The following EYS variants were observed in gnomAD, a reference collection of about 807,000 sequenced individuals.
EYS encodes protein eyes shut homolog.
A neutral mutation model predicts 282.1 loss-of-function variants in EYS; 250 were observed. The observed-to-expected ratio is 0.89, with a 90% CI of 0.80 to 0.98. The LOEUF (loss-of-function observed/expected upper bound fraction) is 0.98, where lower values mean the gene tolerates loss of function less well. Among genes scored for constraint, EYS ranks in the 50% least tolerant of loss-of-function variants. The pLI, the probability that EYS is intolerant of heterozygous loss-of-function variation, is 0.00. For missense variants in EYS, 4,016 were observed against 3,709.0 expected, an observed-to-expected ratio of 1.08 and a Z score of -2.15; for synonymous variants, 1,355 against 1,282.9, an observed-to-expected ratio of 1.06 and a Z score of -1.20.
chr6:64,560,765 C>T (rs1022906373), intron 26 of EYS, among the ~76,000 whole-genome samples: 1 of 152,050 alleles, frequency 6.6e-6, no homozygotes, highest in African/African-American at 2.4e-5. Flanking sequence ...TGTCTGATTT[C>T]TCCAAACTTT....
At chr6:65,130,687 T>A (rs1001886650) in intron 12 of EYS, among the ~76,000 whole-genome samples, 5 of 151,318 alleles carry the variant, frequency 3.3e-5, no homozygotes, top group African/African-American at 1.2e-4. Context: ...ATCAGGAAAA[T>A]GACTATTTGG....
At chr6:64,848,297 A>G (rs937193043) in intron 19 of EYS, among the ~76,000 whole-genome samples, 5 of 151,590 alleles carry the variant, frequency 3.3e-5, no homozygotes, top group Admixed American at 6.6e-5. Flanking sequence ...TTTTTTTATA[A>G]TTTCTAATAA....
chr6:64,087,441 G>T (rs1772192686), intron 31 of EYS, among the ~76,000 whole-genome samples: 1 of 152,014 alleles, frequency 6.6e-6, no homozygotes, highest in South Asian at 2.1e-4. Context: ...CTTGACATTT[G>T]TTGTCACCAG....
chr6:65,348,926 C>T (rs1008923827), intron 9 of EYS, among the ~76,000 whole-genome samples: 5 of 151,218 alleles, frequency 3.3e-5, no homozygotes, highest in Non-Finnish European at 7.4e-5. Flanking sequence ...TCATTCTTCC[C>T]CCATCCAAAT....
At chr6:64,082,802 A>C (rs1265605383) in intron 31 of EYS, among the ~76,000 whole-genome samples, 1 of 152,148 alleles carries the variant, frequency 6.6e-6, no homozygotes, top group Non-Finnish European at 1.5e-5. Flanking sequence ...TTATAGATCT[A>C]TATTCATATC....
chr6:63,963,329 A>C (rs1000902826), intron 35 of EYS, among the ~76,000 whole-genome samples: 2 of 152,202 alleles, frequency 1.3e-5, no homozygotes, highest in African/African-American at 4.8e-5. Context: ...TAACAAAGTC[A>C]TATGAACTCT....
intron 31 of EYS, among the ~76,000 whole-genome samples, chr6:64,092,900 G>A (rs1772424632): frequency 6.6e-6 from 1 of 151,394 alleles, no homozygotes; most frequent in Non-Finnish European, 1.5e-5. Flanking sequence ...TAACATTTAA[G>A]TCTTTAATCC....
chr6:64,804,816 A>G (rs988650021), intron 22 of EYS, among the ~76,000 whole-genome samples: 3 of 152,112 alleles, frequency 2.0e-5, no homozygotes, highest in Admixed American at 1.3e-4. Flanking sequence ...AAATTCACAT[A>G]TTTGTGATTG....
chr6:64,896,858 G>A (rs938579255), intron 18 of EYS, among the ~76,000 whole-genome samples: 3 of 152,036 alleles, frequency 2.0e-5, no homozygotes, highest in Non-Finnish European at 4.4e-5. Context: ...GTGGAGGGGG[G>A]GGCCACCACA....
intron 12 of EYS, among the ~76,000 whole-genome samples, chr6:65,072,475 A>G (rs974360822): frequency 1.3e-5 from 2 of 151,934 alleles, no homozygotes; most frequent in African/African-American, 4.8e-5. Flanking sequence ...GAAAATAAGC[A>G]AAAGAAATTA....
At chr6:63,724,093 C>T (rs967277103) in intron 42 of EYS, among the ~76,000 whole-genome samples, 1 of 152,096 alleles carries the variant, frequency 6.6e-6, no homozygotes, top group African/African-American at 2.4e-5. Flanking sequence ...AGGCATATGC[C>T]ACTGCACCTG....
intron 2 of EYS, among the ~76,000 whole-genome samples, chr6:65,577,687 C>A (rs1764719974): frequency 6.7e-6 from 1 of 149,282 alleles, no homozygotes; most frequent in Admixed American, 6.7e-5. Context: ...CTGATAAGGA[C>A]TTTATATCCA....
intron 6 of EYS, among the ~76,000 whole-genome samples, chr6:65,403,916 T>A (rs1438757469): frequency 2.0e-5 from 3 of 152,090 alleles, no homozygotes; most frequent in Admixed American, 2.0e-4. Context: ...TAGATTATTG[T>A]ATTAGTTTTC....
intron 35 of EYS, among the ~76,000 whole-genome samples, chr6:63,944,264 C>A (rs1471636537): frequency 6.6e-6 from 1 of 152,096 alleles, no homozygotes; most frequent in Non-Finnish European, 1.5e-5. Context: ...TAGCTCTTAG[C>A]CACATATGGC....
At chr6:65,231,601 G>C (rs986217011) in intron 12 of EYS, among the ~76,000 whole-genome samples, 1 of 151,698 alleles carries the variant, frequency 6.6e-6, no homozygotes, top group Non-Finnish European at 1.5e-5. Context: ...AACAGCAAAG[G>C]ATAAATGTGC....
At chr6:64,507,350 G>C (rs1420912774) in intron 26 of EYS, among the ~76,000 whole-genome samples, 1 of 152,090 alleles carries the variant, frequency 6.6e-6, no homozygotes, top group African/African-American at 2.4e-5. Context: ...GATGAGAGAA[G>C]AAAATGAAGT....
At chr6:64,809,662 G>T (rs1455491766) in intron 22 of EYS, among the ~76,000 whole-genome samples, 4 of 151,996 alleles carry the variant, frequency 2.6e-5, no homozygotes, top group Non-Finnish European at 4.4e-5. Flanking sequence ...ATGAAATTAT[G>T]CCCTTTGCAG....
intron 22 of EYS, among the ~76,000 whole-genome samples, chr6:64,722,824 A>C (rs1276646673): frequency 2.0e-5 from 3 of 152,310 alleles, no homozygotes; most frequent in African/African-American, 7.2e-5. Flanking sequence ...TAGATTCTTT[A>C]GAACATGAAT....
At chr6:64,332,288 G>A (rs1043861366) in intron 29 of EYS, among the ~76,000 whole-genome samples, 1 of 152,158 alleles carries the variant, frequency 6.6e-6, no homozygotes. Context: ...CAGATAAAAG[G>A]GGATTTAAAA....
Sources: allele counts gnomAD v4.1 joint callset (sites outside exome capture counted in the v4.1 genomes callset), GRCh38; gene constraint gnomAD v4.1.1; transcripts MANE v1.5; gene names NCBI Gene and HGNC (gene_info 2026-07-23, HGNC 2026-07-21).